CCDC51: variants seen among roughly 807,000 people sequenced by gnomAD.
CCDC51 encodes the protein mitochondrial potassium channel.
In CCDC51, 25 loss-of-function variants were observed where a neutral mutation model predicts 24.8. The ratio of observed to expected loss-of-function variants is 1.01; its 90% CI spans 0.73 to 1.41. The LOEUF (loss-of-function observed/expected upper bound fraction) is 1.41. CCDC51 is among the 40% of genes most tolerant of loss of function. The pLI is 0.00. For missense variants in CCDC51, 466 were observed against 519.1 expected (o/e 0.90, Z 0.99); for synonymous variants, 190 against 204.3 (o/e 0.93, Z 0.60).
Position 48,433,639 on chromosome 3 carries a change from C to A in CCDC51, c.477+68G>T. ...CAGACCAGTCAGGGTTCCCACCCGG[C>A]CCCTCCATGATCTGCCAGGCTAGGG... On this transcript the variant is annotated intron_variant, in intron 3 of 3. Coordinates refer to ENST00000395694, the MANE Select transcript of CCDC51 (RefSeq NM_001256964.2). The surrounding 1 kb of genome is among the most constrained non-coding windows in gnomAD (Gnocchi z 4.4). The A allele has an allele frequency of 6.5e-7, 1 of 1,535,588 alleles. No individual in the cohort carries two copies. The highest frequency in any genetic ancestry group is 1.2e-5 in the South Asian group (1 of 81,580).
At chr3:48,440,304 G>A (rs1460187754), upstream of CCDC51, 1 of 1,607,654 alleles carries the variant, frequency 6.2e-7, no homozygotes, top group African/African-American at 1.3e-5. Flanking sequence ...GCCATGTCCG[G>A]CCGCGAAGGT....
In CCDC51 at chr3:48,434,799, C is replaced by T. The variant is rs374407462; in HGVS notation, c.312+18G>A. ...CAAGTCAGAGGGCGGGGCCAGCCACCCCAGCTCCCCTCCTCACCTCTGTCA... is the reference window on the plus strand; with the variant it reads ...CAAGTCAGAGGGCGGGGCCAGCCACTCCAGCTCCCCTCCTCACCTCTGTCA... On this transcript the variant is annotated intron_variant, in intron 2 of 3. Transcript: ENST00000395694. 62 of 1,570,672 alleles carry T rather than the reference C, an allele frequency of 3.9e-5. No individual in the cohort carries two copies. Among genetic ancestry groups the T allele is most frequent in the Non-Finnish European group, 5.1e-5 (59 of 1,154,370 alleles).
rs1318253855 is a variant in CCDC51, at chr3:48,435,989, C to T, written c.-8-853G>A. 6.6e-6 allele frequency among the ~76,000 whole-genome samples: 1 copy of T among 152,164 alleles called. No homozygotes were observed. Among genetic ancestry groups the T allele is most frequent in the South Asian group, 2.1e-4 (1 of 4,820 alleles). On this transcript the variant is annotated intron_variant, in intron 1 of 3. Transcript: ENST00000395694. The surrounding 1 kb of genome is among the most constrained non-coding windows in gnomAD (Gnocchi z 4.2). ...CATCTTGCTTTGATGTTTGGGCCTG[C>T]TTCTCATTACCTGGACAGCAGGGAG...
At chr3:48,438,198 A>G (rs1350182524) in intron 1 of CCDC51, 1 of 152,192 alleles carries the variant, frequency 6.6e-6, no homozygotes, top group Non-Finnish European at 1.5e-5. Context: ...AAAATCATCT[A>G]TGAAAATGGT....
At chr3:48,439,526 G>C (rs962611723) in intron 1 of CCDC51, among the ~76,000 whole-genome samples, 7 of 152,122 alleles carry the variant, frequency 4.6e-5, no homozygotes, top group Admixed American at 2.0e-4. Flanking sequence ...CAGCTACTGG[G>C]GAGGCTGAGG....
chr3:48,432,940 A>T lies in CCDC51; in HGVS notation c.704T>A (p.Leu235Gln). The change falls in exon 4 of 4, where the codon CTG becomes CAG. Residue 235 changes from leucine to glutamine, a missense_variant. Transcript: ENST00000395694. ...ACTCACAGGCCCCTTCTGCGCCTCC[A>T]GGAGTAAAGCCTTCAGCTCCTGTAG... ...VRLQELKALL[L>Q]EAQKGPVSLQ... 6.2e-7 allele frequency: 1 copy of T among 1,614,052 alleles called. No individual in the cohort carries two copies. Among genetic ancestry groups the T allele is most frequent in the Non-Finnish European group, 8.5e-7 (1 of 1,180,004 alleles).
upstream of CCDC51, among the ~76,000 whole-genome samples, chr3:48,443,354 C>G (rs576285980): frequency 6.6e-6 from 1 of 151,870 alleles, no homozygotes; most frequent in East Asian, 1.9e-4. Flanking sequence ...TCGAGACCAG[C>G]CTGACCAATA....
Position 48,432,824 on chromosome 3 carries a change from G to C in CCDC51, c.820C>G (p.His274Asp). The C allele has an allele frequency of 1.9e-6, 3 of 1,614,158 alleles. No individual in the cohort carries two copies. Among genetic ancestry groups the C allele is most frequent in the Non-Finnish European group, 2.5e-6 (3 of 1,180,026 alleles). ...GAGTCCTGCCCTGGCCCAGCAGCAT[G>C]TACCAGGCCCCTCAGGTCCACCATG... ...NLMVDLRGLV[H>D]AAGPGQDSGS... Residue 274 changes from histidine (H) to aspartate (D), a missense_variant, in exon 4 of 4, where the codon CAT (histidine) becomes GAT (aspartate). Transcript: ENST00000395694.
rs1485004027 is a variant in CCDC51, at chr3:48,437,056, C to T, written c.-8-1920G>A. On this transcript the variant is annotated intron_variant, in intron 1 of 3. Coordinates refer to ENST00000395694, the MANE Select transcript of CCDC51 (RefSeq NM_001256964.2). The surrounding 1 kb of genome is among the most constrained non-coding windows in gnomAD (Gnocchi z 4.2). Reference sequence around the variant, plus strand: ...GCCATACTCTGCTCCAGCCACCGTGCTGGTCTGTGCCCTGCCACCTTGTCC... The same window carrying T: ...GCCATACTCTGCTCCAGCCACCGTGTTGGTCTGTGCCCTGCCACCTTGTCC... Among the ~76,000 whole-genome samples the T allele has an allele frequency of 2.0e-5, 3 of 152,240 alleles. No individual in the cohort carries two copies. The highest frequency in any genetic ancestry group is 4.4e-5 in the Non-Finnish European group (3 of 68,038).
intron 2 of CCDC51, 110 bp downstream of exon 2, chr3:48,434,707 G>T: frequency 9.8e-7 from 1 of 1,016,572 alleles, no homozygotes. Flanking sequence ...TTCCACGTGA[G>T]AAATGAGGCT....
upstream of CCDC51, chr3:48,440,222 T>C (rs575175190): frequency 4.3e-4 from 650 of 1,524,178 alleles, 18 homozygotes; most frequent in Admixed American, 0.013. Flanking sequence ...CGGGGCCGCC[T>C]CGCTGTCTAC....
the CCDC51 span, chr3:48,446,625 C>T: frequency 6.4e-5 from 29 of 450,078 alleles, no homozygotes; most frequent in East Asian, 1.1e-3. Flanking sequence ...GAATCCCGCC[C>T]GTGGACCTCT....
Position 48,433,861 on chromosome 3 carries a change from ACT to A in CCDC51, c.321_322del (p.Lys107AsnfsTer68). ...GACAAGCCCTCGAGCCACCATGAAC[ACT>A]TTCTCAGCCTGCAAAGAGAAAACCG... On this transcript the variant is annotated frameshift_variant, in exon 3 of 4. Coordinates refer to ENST00000395694, the MANE Select transcript of CCDC51 (RefSeq NM_001256964.2). LOFTEE classifies it high-confidence loss of function. This position sits in a 1 kb window ranked among gnomAD's most constrained non-coding sequence, Gnocchi z 4.4. 1 of 1,613,148 alleles carries A rather than the reference ACT, an allele frequency of 6.2e-7. No individual in the cohort carries two copies. Among genetic ancestry groups the A allele is most frequent in the Non-Finnish European group, 8.5e-7 (1 of 1,179,534 alleles).
upstream of CCDC51, chr3:48,440,947 C>T (rs569507117): frequency 1.1e-5 from 5 of 450,570 alleles, no homozygotes; most frequent in East Asian, 2.1e-4. Flanking sequence ...CGTCCGCAAT[C>T]TTTTGCCCCA....
In CCDC51 at chr3:48,432,546, G is replaced by C; in HGVS notation, c.1098C>G (p.Ser366Arg). 2 of 1,614,244 alleles carry C rather than the reference G, an allele frequency of 1.2e-6. No homozygotes were observed. The highest frequency in any genetic ancestry group is 1.7e-6 in the Non-Finnish European group (2 of 1,180,046). The change falls in exon 4 of 4, where the codon AGC becomes AGG. Residue 366 changes from serine to arginine, a missense_variant. Coordinates refer to ENST00000395694, the MANE Select transcript of CCDC51 (RefSeq NM_001256964.2). ...AMPSFLLEQGSMILALSDTEQ... is the reference protein window; with the variant it reads ...AMPSFLLEQGRMILALSDTEQ... Reference sequence around the variant, plus strand: ...CCGTGTCTGACAGTGCCAAGATCATGCTCCCCTGCTCCAGCAAGAAGCTGG... The same window carrying C: ...CCGTGTCTGACAGTGCCAAGATCATCCTCCCCTGCTCCAGCAAGAAGCTGG...
intron 1 of CCDC51, chr3:48,438,306 A>G (rs2039422364): frequency 6.6e-6 from 1 of 152,152 alleles, no homozygotes; most frequent in African/African-American, 2.4e-5. Flanking sequence ...TGCAAGTTAT[A>G]TATCAATAAA....
upstream of CCDC51, chr3:48,440,536 C>T (rs1263243258): frequency 1.9e-6 from 3 of 1,610,716 alleles, no homozygotes; most frequent in Non-Finnish European, 1.7e-6. Flanking sequence ...TCTGCCTCTC[C>T]CCAGGAAGAT....
At chr3:48,436,406 TG>T (rs1388056038) in intron 1 of CCDC51, among the ~76,000 whole-genome samples, 1 of 152,164 alleles carries the variant, frequency 6.6e-6, no homozygotes, top group African/African-American at 2.4e-5. Context: ...CACAGCTGGT[TG>T]GGTAGAAACA....
upstream of CCDC51, among the ~76,000 whole-genome samples, chr3:48,443,241 C>CAAA (rs3082576): frequency 5.7e-5 from 4 of 70,534 alleles, no homozygotes; most frequent in African/African-American, 1.3e-4. Context: ...ACTCCATCTC[C>CAAA]AAAAAAAAAA....
Sources: allele counts gnomAD v4.1 joint callset (sites outside exome capture counted in the v4.1 genomes callset), GRCh38; gene constraint gnomAD v4.1.1; non-coding constraint Gnocchi (gnomAD v3.1); transcripts MANE v1.5; gene names NCBI Gene and HGNC (gene_info 2026-07-23, HGNC 2026-07-21).